The following NTN1 variants were observed in gnomAD, a reference collection of about 807,000 sequenced individuals.
NTN1 encodes the protein netrin-1.
A neutral mutation model predicts 54.2 loss-of-function variants in NTN1; 11 were observed. That is an observed-to-expected ratio of 0.20 (90% CI 0.13 to 0.34). NTN1 has a LOEUF of 0.34. Among genes scored for constraint, NTN1 ranks in the 10% least tolerant of loss-of-function variants. The probability of loss-of-function intolerance (pLI) is 1.00; values close to 1 mark genes in which losing one functional copy is unlikely to be tolerated. For synonymous variants in NTN1, 371 were observed against 382.0 expected, an observed-to-expected ratio of 0.97 and a Z score of 0.33; for missense variants, 740 against 893.1, an observed-to-expected ratio of 0.83 and a Z score of 2.18.
chr17:9,139,227 G>A (rs2092290293), intron 2 of NTN1, among the ~76,000 whole-genome samples: 1 of 152,138 alleles, frequency 6.6e-6, no homozygotes, highest in Non-Finnish European at 1.5e-5. Flanking sequence ...TGGAGCTAGG[G>A]CAGCTTTCTG....
intron 5 of NTN1, among the ~76,000 whole-genome samples, chr17:9,220,384 C>A (rs1187367161): frequency 6.6e-6 from 1 of 152,192 alleles, no homozygotes; most frequent in Non-Finnish European, 1.5e-5. Flanking sequence ...ACAGACTTGG[C>A]GAAGGAATTG....
At chr17:9,237,186 T>C (rs1906020509) in intron 6 of NTN1, among the ~76,000 whole-genome samples, 1 of 152,154 alleles carries the variant, frequency 6.6e-6, no homozygotes, top group African/African-American at 2.4e-5. Flanking sequence ...CTCACAGCTC[T>C]GGAGTCTGGA....
intron 5 of NTN1, among the ~76,000 whole-genome samples, chr17:9,216,255 C>T (rs978129789): frequency 6.6e-6 from 1 of 152,250 alleles, no homozygotes; most frequent in African/African-American, 2.4e-5. Context: ...ACACCCAGCC[C>T]TTCTGAAGGG....
At chr17:9,021,011 C>T (rs1362562651), upstream of NTN1, among the ~76,000 whole-genome samples, 1 of 152,144 alleles carries the variant, frequency 6.6e-6, no homozygotes, top group East Asian at 1.9e-4. Context: ...GCTGCGTGCC[C>T]ACAGGGGCAC....
At chr17:9,035,008 G>A (rs952376219) in intron 2 of NTN1, among the ~76,000 whole-genome samples, 1 of 152,072 alleles carries the variant, frequency 6.6e-6, no homozygotes, top group Non-Finnish European at 1.5e-5. Flanking sequence ...GTGCAGTGGC[G>A]TGATCGCGGC....
chr17:9,090,134 C>CT, intron 2 of NTN1, among the ~76,000 whole-genome samples: 1 of 150,860 alleles, frequency 6.6e-6, no homozygotes, highest in African/African-American at 2.4e-5. Flanking sequence ...CATTGATCAT[C>CT]TTTTGGTAGG....
intron 6 of NTN1, among the ~76,000 whole-genome samples, chr17:9,224,600 C>G (rs995461336): frequency 6.6e-6 from 1 of 152,250 alleles, no homozygotes; most frequent in African/African-American, 2.4e-5. Context: ...AGCCTCCCGC[C>G]CCTTCCACAG....
the NTN1 span, among the ~76,000 whole-genome samples, chr17:9,011,390 G>A: frequency 5.9e-5 from 9 of 152,100 alleles, no homozygotes; most frequent in East Asian, 3.9e-4. Flanking sequence ...TCTGTCTCAC[G>A]CAGCTTTATC....
intron 2 of NTN1, among the ~76,000 whole-genome samples, chr17:9,134,911 G>A (rs2092276377): frequency 6.6e-6 from 1 of 152,178 alleles, no homozygotes; most frequent in African/African-American, 2.4e-5. Context: ...CCTGAGAAAG[G>A]TGAGAAAGCT....
chr17:9,107,044 G>A (rs1048957851), intron 2 of NTN1, among the ~76,000 whole-genome samples: 1 of 152,080 alleles, frequency 6.6e-6, no homozygotes, highest in Non-Finnish European at 1.5e-5. Context: ...TAAAAGAAGG[G>A]GTGGAATTTG....
chr17:9,187,478 A>C (rs1274438050), intron 5 of NTN1, among the ~76,000 whole-genome samples: 2 of 152,164 alleles, frequency 1.3e-5, no homozygotes, highest in African/African-American at 4.8e-5. Context: ...AGATACACAG[A>C]ATGTGGCATA....
Position 9,023,019 on chromosome 17 carries a change from G to A in NTN1, c.646G>A (p.Gly216Ser). The change falls in exon 2 of 7, where the codon GGC becomes AGC. Residue 216 changes from glycine to serine, a missense_variant. Coordinates refer to ENST00000173229, the MANE Select transcript of NTN1 (RefSeq NM_004822.3). ...CACCGACATGCGCCCGCTCTCGGGC[G>A]GCCTCATCGCCTTCAGCACGCTGGA... ...SHTDMRPLSG[G>S]LIAFSTLDGR... 6.2e-7 allele frequency: 1 copy of A among 1,602,174 alleles called. No individual in the cohort carries two copies. Among genetic ancestry groups the A allele is most frequent in the Non-Finnish European group, 8.5e-7 (1 of 1,175,668 alleles).
intron 5 of NTN1, among the ~76,000 whole-genome samples, chr17:9,208,057 C>A (rs1284191642): frequency 6.6e-6 from 1 of 152,146 alleles, no homozygotes; most frequent in African/African-American, 2.4e-5. Flanking sequence ...TATGGTGAAA[C>A]CCCATCTCTA....
At chr17:9,025,165 C>T (rs1362791881) in intron 2 of NTN1, among the ~76,000 whole-genome samples, 4 of 152,230 alleles carry the variant, frequency 2.6e-5, no homozygotes, top group South Asian at 4.1e-4. Context: ...TGAAATTTCT[C>T]TGGCTTGAAG....
At position 9,085,272 on chromosome 17, in the gene NTN1, G is replaced by A. The variant is rs940772801; in HGVS notation, c.1018+61881G>A. Among the ~76,000 whole-genome samples, 20 of 152,354 alleles carry A rather than the reference G, an allele frequency of 1.3e-4. No individual in the cohort carries two copies. In the South Asian group the frequency reaches 2.5e-3, roughly 19 times the overall value. The stretch of plus-strand genomic sequence containing the variant: ...CCAGCTGCTCTGCCACCCTCTGGGG[G>A]GCTATCCTCAGCTTCCCGATGGAAG... On this transcript the variant is annotated intron_variant, in intron 2 of 6. Transcript: ENST00000173229.
chr17:9,237,243 T>G (rs569926187), intron 6 of NTN1, among the ~76,000 whole-genome samples: 1 of 152,316 alleles, frequency 6.6e-6, no homozygotes, highest in Non-Finnish European at 1.5e-5. Flanking sequence ...CCAAGTCCTC[T>G]CCTGGCTTGT....
chr17:9,006,322 G>T, the NTN1 span, among the ~76,000 whole-genome samples: 1 of 152,200 alleles, frequency 6.6e-6, no homozygotes, highest in Non-Finnish European at 1.5e-5. Flanking sequence ...CTCCAGAAAG[G>T]TCAGCTTGGT....
At chr17:9,018,440 T>A (rs1210156465), upstream of NTN1, among the ~76,000 whole-genome samples, 3 of 152,024 alleles carry the variant, frequency 2.0e-5, no homozygotes. Context: ...GAGACCAGTC[T>A]GGCCAACATG....
At chr17:9,156,317 AAGG>A (rs2142293342) in intron 2 of NTN1, among the ~76,000 whole-genome samples, 1 of 150,796 alleles carries the variant, frequency 6.6e-6, no homozygotes, top group Admixed American at 6.6e-5. Flanking sequence ...ACTGCTCTGG[AAGG>A]AGAAGACATG....
Sources: allele counts gnomAD v4.1 joint callset (sites outside exome capture counted in the v4.1 genomes callset), GRCh38; gene constraint gnomAD v4.1.1; transcripts MANE v1.5; gene names NCBI Gene and HGNC (gene_info 2026-07-23, HGNC 2026-07-21).